RFX3: variants seen among roughly 807,000 people sequenced by gnomAD.
The protein encoded by RFX3 is regulatory factor X3, also known as transcription factor RFX3.
RFX3 carries 14 observed loss-of-function variants against 98.6 expected under a neutral mutation model. That is an observed-to-expected ratio of 0.14 (90% CI 0.09 to 0.22). The LOEUF (loss-of-function observed/expected upper bound fraction) is 0.22. Among genes scored for constraint, RFX3 ranks in the 10% least tolerant of loss-of-function variants. The pLI, the probability that RFX3 is intolerant of heterozygous loss-of-function variation, is 1.00. For missense variants in RFX3, 639 were observed against 926.9 expected (o/e 0.69, Z 4.03); for synonymous variants, 383 against 328.4 (o/e 1.17, Z -1.80).
Position 3,515,424 on chromosome 9 carries a change from C to G in RFX3, c.-9+10323G>C, listed in dbSNP as rs1045133264. On this transcript the variant is annotated intron_variant, in intron 1 of 16. Coordinates refer to ENST00000617270, the MANE Select transcript of RFX3 (RefSeq NM_001282116.2). ...TATTACAGTAGGTAAGGAAAGAAATCTGGAAGAAATACTGGATCACCTGAG... is the reference window on the plus strand; with the variant it reads ...TATTACAGTAGGTAAGGAAAGAAATGTGGAAGAAATACTGGATCACCTGAG... Among the ~76,000 whole-genome samples the G allele has an allele frequency of 2.0e-5, 3 of 152,234 alleles. No homozygotes were observed. The South Asian group carries it at 6.2e-4, about 32-fold the overall frequency.
chr9:3,366,697 T>TCTTTCTTTCTTTCTTTCTTTCTTTCTTTC (rs1837159483), intron 2 of RFX3, among the ~76,000 whole-genome samples: 5 of 67,414 alleles, frequency 7.4e-5, no homozygotes, highest in African/African-American at 3.7e-4. Flanking sequence ...TTCTTTCCTT[T>TCTTTCTTTCTTTCTTTCTTTCTTTCTTTC]CTTTCTTTCT....
chr9:3,420,105 C>T (rs1008226152), intron 1 of RFX3, among the ~76,000 whole-genome samples: 25 of 152,224 alleles, frequency 1.6e-4, no homozygotes, highest in Admixed American at 6.5e-4. Context: ...CTCAGAACTG[C>T]CTCCCAGCCT....
intron 15 of RFX3, among the ~76,000 whole-genome samples, chr9:3,242,844 C>T (rs1488552784): frequency 1.3e-5 from 2 of 151,822 alleles, no homozygotes; most frequent in Non-Finnish European, 2.9e-5. Context: ...CGCAATTGAA[C>T]ACTTAAAGAC....
intron 1 of RFX3, among the ~76,000 whole-genome samples, chr9:3,423,458 T>C (rs1273071616): frequency 6.6e-6 from 1 of 152,160 alleles, no homozygotes; most frequent in Non-Finnish European, 1.5e-5. Flanking sequence ...AAAAGAACTA[T>C]TCATATGCTA....
chr9:3,371,323 A>G (rs1190701189), intron 2 of RFX3, among the ~76,000 whole-genome samples: 1 of 152,214 alleles, frequency 6.6e-6, no homozygotes, highest in Non-Finnish European at 1.5e-5. Flanking sequence ...CCATTTCTTT[A>G]GCAGCACAAT....
intron 1 of RFX3, among the ~76,000 whole-genome samples, chr9:3,512,606 T>G (rs571370586): frequency 6.6e-6 from 1 of 151,922 alleles, no homozygotes; most frequent in Admixed American, 6.6e-5. Context: ...CTTTTCTATA[T>G]ACAATGTCTA....
chr9:3,359,190 A>G (rs979675473), intron 2 of RFX3, among the ~76,000 whole-genome samples: 1 of 152,070 alleles, frequency 6.6e-6, no homozygotes, highest in Non-Finnish European at 1.5e-5. Flanking sequence ...TAATGGAGGA[A>G]GCAAAGAGGG....
chr9:3,231,955 C>A (rs992833993), intron 15 of RFX3, among the ~76,000 whole-genome samples: 1 of 151,920 alleles, frequency 6.6e-6, no homozygotes, highest in South Asian at 2.1e-4. Context: ...ATCACTTGAA[C>A]CTGGGAGGCG....
chr9:3,248,273 G>C, intron 14 of RFX3, 88 bp from the exon 15 acceptor site: 3 of 1,448,112 alleles, frequency 2.1e-6, no homozygotes, highest in Non-Finnish European at 2.7e-6. Flanking sequence ...AAAAAGTCAA[G>C]CTGGGAGTCT....
chr9:3,388,819 G>C (rs1839988666), intron 2 of RFX3, among the ~76,000 whole-genome samples: 1 of 151,986 alleles, frequency 6.6e-6, no homozygotes, highest in Admixed American at 6.6e-5. Context: ...CTCAATAGAA[G>C]TCCCTGAACC....
At chr9:3,474,322 T>A (rs1284991776) in intron 1 of RFX3, among the ~76,000 whole-genome samples, 3 of 152,216 alleles carry the variant, frequency 2.0e-5, no homozygotes, top group Non-Finnish European at 4.4e-5. Flanking sequence ...GCAGCACTTT[T>A]TATGACCTAC....
intron 1 of RFX3, among the ~76,000 whole-genome samples, chr9:3,483,730 A>C (rs1256791579): frequency 6.6e-6 from 1 of 152,228 alleles, no homozygotes; most frequent in Non-Finnish European, 1.5e-5. Context: ...ACCAGTGCCA[A>C]TCTTGCCGTG....
intron 2 of RFX3, among the ~76,000 whole-genome samples, chr9:3,394,508 T>C (rs1840655651): frequency 1.3e-5 from 2 of 152,170 alleles, no homozygotes; most frequent in Non-Finnish European, 2.9e-5. Context: ...CAGATGTCTT[T>C]ACTTATCCTA....
chr9:3,520,721 G>A (rs1203996642), intron 1 of RFX3, among the ~76,000 whole-genome samples: 1 of 152,160 alleles, frequency 6.6e-6, no homozygotes, highest in Non-Finnish European at 1.5e-5. Context: ...TGTCACCCAG[G>A]CTAAAGTGCA....
intron 1 of RFX3, among the ~76,000 whole-genome samples, chr9:3,460,220 CAA>C (rs1401995271): frequency 6.6e-6 from 1 of 151,838 alleles, no homozygotes; most frequent in Non-Finnish European, 1.5e-5. Flanking sequence ...CAATAAAACC[CAA>C]AAGTTACATA....
intron 2 of RFX3, among the ~76,000 whole-genome samples, chr9:3,392,011 C>T (rs1373922303): frequency 6.6e-6 from 1 of 152,118 alleles, no homozygotes; most frequent in Non-Finnish European, 1.5e-5. Context: ...GCCAAGCATT[C>T]CCCCACTAGG....
At chr9:3,517,079 G>C (rs894575060) in intron 1 of RFX3, among the ~76,000 whole-genome samples, 1 of 152,200 alleles carries the variant, frequency 6.6e-6, no homozygotes, top group Non-Finnish European at 1.5e-5. Context: ...CAAACAACTT[G>C]CTAGCCTTTG....
chr9:3,233,773 T>A (rs899085790), intron 15 of RFX3, among the ~76,000 whole-genome samples: 2 of 152,210 alleles, frequency 1.3e-5, no homozygotes, highest in Admixed American at 1.3e-4. Context: ...AGTTCCCCAA[T>A]AGTGTTAATT....
intron 16 of RFX3, among the ~76,000 whole-genome samples, chr9:3,227,298 G>C (rs1416323725): frequency 2.6e-5 from 4 of 152,174 alleles, no homozygotes; most frequent in Non-Finnish European, 4.4e-5. Context: ...AAATGGACTG[G>C]ACGATTTAAG....
Sources: allele counts gnomAD v4.1 joint callset (sites outside exome capture counted in the v4.1 genomes callset), GRCh38; gene constraint gnomAD v4.1.1; transcripts MANE v1.5; gene names NCBI Gene and HGNC (gene_info 2026-07-23, HGNC 2026-07-21).